The following GRSF1 variants were observed in gnomAD, a reference collection of about 807,000 sequenced individuals.
The protein encoded by GRSF1 is G-rich RNA sequence binding factor 1.
Under a neutral mutation model 51.1 loss-of-function variants are expected in GRSF1, and 50 were observed. The ratio of observed to expected loss-of-function variants is 0.98; its 90% CI spans 0.78 to 1.24. GRSF1 has a LOEUF of 1.24. GRSF1 is among the 50% of genes most tolerant of loss of function. The probability of loss-of-function intolerance (pLI) is 0.00; values close to 1 mark genes in which losing one functional copy is unlikely to be tolerated. For synonymous variants in GRSF1, 293 were observed against 253.3 expected, an observed-to-expected ratio of 1.16 and a Z score of -1.49; for missense variants, 700 against 639.7, an observed-to-expected ratio of 1.09 and a Z score of -1.02.
intron 6 of GRSF1, 150 bp downstream of exon 6, chr4:70,827,702 C>G (rs1173529579): frequency 3.3e-6 from 2 of 613,770 alleles, no homozygotes; most frequent in African/African-American, 3.7e-5. Flanking sequence ...TCACTTGAAC[C>G]CAGGAGGTAG....
At chr4:70,830,151 G>A (rs1338872508) in intron 5 of GRSF1, among the ~76,000 whole-genome samples, 1 of 152,174 alleles carries the variant, frequency 6.6e-6, no homozygotes, top group African/African-American at 2.4e-5. Flanking sequence ...TCAGTGGTCA[G>A]GTGCAGTGGC....
At chr4:70,840,153 C>T (rs1734415540), upstream of GRSF1, among the ~76,000 whole-genome samples, 1 of 67,848 alleles carries the variant, frequency 1.5e-5, no homozygotes, top group Non-Finnish European at 2.9e-5. Flanking sequence ...GCGGGGCTGC[C>T]CATGGTTTGG....
Position 70,826,209 on chromosome 4 carries a change from G to A in GRSF1, c.1172C>T (p.Ala391Val). Residue 391 changes from alanine (A) to valine (V), a missense_variant, in exon 7 of 10, where the codon GCT (alanine) becomes GTT (valine). Physicochemically the swap from Ala to Val is moderately conservative, Grantham distance 64. Coordinates refer to ENST00000254799, the MANE Select transcript of GRSF1 (RefSeq NM_002092.4). ...PKEVPEKLPE[A>V]ADFGTTSSLH... ...AGAAGACGTAGTTCCAAAATCAGCAGCCTCTGGAAGCTTTTCTGGCACCTC... is the reference window on the plus strand; with the variant it reads ...AGAAGACGTAGTTCCAAAATCAGCAACCTCTGGAAGCTTTTCTGGCACCTC... The A allele has an allele frequency of 1.9e-6, 3 of 1,610,014 alleles. No individual in the cohort carries two copies. The highest frequency in any genetic ancestry group is 2.5e-6 in the Non-Finnish European group (3 of 1,177,850).
intron 9 of GRSF1, among the ~76,000 whole-genome samples, chr4:70,821,673 C>CTT (rs377564579): frequency 4.7e-5 from 5 of 107,128 alleles, no homozygotes; most frequent in Admixed American, 9.9e-5. Context: ...TTTTTTGTTC[C>CTT]TTTTTTTTTT....
At position 70,839,816 on chromosome 4, in the gene GRSF1, C is replaced by G. The variant is rs1475857271; in HGVS notation, c.12G>C (p.Thr4=). Reference sequence around the variant, plus strand: ...GGAGCAGCGCCCCGAGTACCCAGCGCGTGCCGGCCATGGACTCCGGAGGCG... The same window carrying G: ...GGAGCAGCGCCCCGAGTACCCAGCGGGTGCCGGCCATGGACTCCGGAGGCG... MAG[T]RWVLGALLRG... is the part of the protein sequence containing the mutation. Residue 4 remains threonine (T), a synonymous_variant, in exon 1 of 10, where the codon ACG becomes ACC. Coordinates refer to ENST00000254799, the MANE Select transcript of GRSF1 (RefSeq NM_002092.4). 1.3e-6 allele frequency: 2 copies of G among 1,498,860 alleles called. No homozygotes were observed. The highest frequency in any genetic ancestry group is 1.8e-6 in the Non-Finnish European group (2 of 1,131,570). 92.8% of individuals were successfully genotyped at this position (1,498,860 alleles called of 1,614,324 possible).
chr4:70,815,940 C>G lies in GRSF1; in HGVS notation c.*4947G>C, dbSNP rs535933997. 1.3e-5 allele frequency: 2 copies of G among 152,114 alleles called. No individual in the cohort carries two copies. The highest frequency in any genetic ancestry group is 2.9e-5 in the Non-Finnish European group (2 of 68,024). 9.4% of individuals were successfully genotyped at this position (152,114 alleles called of 1,614,324 possible). On this transcript the variant is annotated 3_prime_UTR_variant, in exon 10 of 10. Transcript: ENST00000254799. ...TAAAAAGGAACAAAGCTTAAACACA[C>G]TGATGAACATACAAACATGCTGAGT...
intron 5 of GRSF1, among the ~76,000 whole-genome samples, chr4:70,828,517 A>T (rs142123269): frequency 2.0e-3 from 266 of 135,230 alleles, no homozygotes; most frequent in African/African-American, 4.5e-3. Flanking sequence ...ACTAAGTATC[A>T]ATTATGACTT....
At chr4:70,833,677 C>A (rs1161195635) in intron 2 of GRSF1, among the ~76,000 whole-genome samples, 2 of 152,096 alleles carry the variant, frequency 1.3e-5, no homozygotes, top group African/African-American at 2.4e-5. Context: ...AATTTTATTA[C>A]CATAGTTTAA....
chr4:70,841,796 G>T (rs1734465296), upstream of GRSF1, among the ~76,000 whole-genome samples: 1 of 152,144 alleles, frequency 6.6e-6, no homozygotes, highest in African/African-American at 2.4e-5. Flanking sequence ...CTATGAACCT[G>T]GAGTATCAAA....
At position 70,838,219 on chromosome 4, in the gene GRSF1, CAAAAAAA is replaced by C. The variant is rs35303311; in HGVS notation, c.357+1245_357+1251del. 3.9e-4 allele frequency among the ~76,000 whole-genome samples: 37 copies of C among 94,606 alleles called. 1 individual carries two copies. The highest frequency in any genetic ancestry group is 7.0e-3 in the Middle Eastern group (1 of 142). The allele number at this position is 94,606 out of a possible 152,430, so 62.1% of individuals were successfully genotyped here. On this transcript the variant is annotated intron_variant, in intron 1 of 9. Coordinates refer to ENST00000254799, the MANE Select transcript of GRSF1 (RefSeq NM_002092.4). Reference sequence around the variant, plus strand: ...GGGCGACAGAGCGAGACTCGGTCTCCAAAAAAAAAAAAAAAAAAAGGCTTAATGTTTA... The same window carrying C: ...GGGCGACAGAGCGAGACTCGGTCTCCAAAAAAAAAAAAGGCTTAATGTTTA...
chr4:70,838,335 AAGAG>A (rs908965879), intron 1 of GRSF1, among the ~76,000 whole-genome samples: 15 of 152,278 alleles, frequency 9.9e-5, no homozygotes, highest in South Asian at 2.1e-4. Flanking sequence ...TAGAAAAAAA[AAGAG>A]AGAAGCTAGC....
rs1733293826 is a variant in GRSF1, at chr4:70,815,984, A to G, written c.*4903T>C. The G allele has an allele frequency of 6.6e-6, 1 of 152,244 alleles. No homozygotes were observed. The highest frequency in any genetic ancestry group is 2.4e-5 in the African/African-American group (1 of 41,464). The allele number at this position is 152,244 out of a possible 1,614,324, so 9.4% of individuals were successfully genotyped here. On this transcript the variant is annotated 3_prime_UTR_variant, in exon 10 of 10. Transcript: ENST00000254799. ...GCTGAGTAAAAGGAACTTACAGAAT[A>G]CATACTGCATAAGTGAGTCCGTTAT...
upstream of GRSF1, among the ~76,000 whole-genome samples, chr4:70,840,786 G>A (rs143447742): frequency 4.5e-3 from 679 of 152,096 alleles, 22 homozygotes; most frequent in Admixed American, 0.032. Context: ...AAAAAAATTA[G>A]GTTAGGGCCA....
Position 70,833,794 on chromosome 4 carries a change from C to T in GRSF1, c.515-521G>A, listed in dbSNP as rs141950214. On this transcript the variant is annotated intron_variant, in intron 2 of 9. Transcript: ENST00000254799. ...TTAGTCTCCCAAAGTGCTGGGATTA[C>T]AGGCATCAGCCACCACACCCAGCCT... is the stretch of plus-strand genomic sequence containing the variant. Among the ~76,000 whole-genome samples the T allele has an allele frequency of 2.7e-3, 407 of 152,188 alleles. 4 individuals carry two copies. The highest frequency in any genetic ancestry group is 9.3e-3 in the African/African-American group (387 of 41,540).
Position 70,827,978 on chromosome 4 carries a change from T to C in GRSF1, c.1009A>G (p.Lys337Glu), listed in dbSNP as rs1235287714. The change falls in exon 6 of 10, where the codon AAG (lysine) becomes GAG (glutamate). Residue 337 changes from lysine (K) to glutamate (E), a missense_variant. Coordinates refer to ENST00000254799, the MANE Select transcript of GRSF1 (RefSeq NM_002092.4). ...NEVRTHVGSY[K>E]GKKIASFPTA... ...GGAAAAGATGCGATTTTCTTTCCCT[T>C]ATAAGAACCGACATGTGTTCGAACT... The C allele has an allele frequency of 6.2e-7, 1 of 1,613,330 alleles. No homozygotes were observed. Among genetic ancestry groups the C allele is most frequent in the African/African-American group, 1.3e-5 (1 of 74,942 alleles).
chr4:70,832,838 C>T (rs773261612), intron 3 of GRSF1, among the ~76,000 whole-genome samples: 2 of 152,202 alleles, frequency 1.3e-5, no homozygotes, highest in African/African-American at 2.4e-5. Context: ...GTCCCAGCTA[C>T]TTGGGAGGCT....
upstream of GRSF1, among the ~76,000 whole-genome samples, chr4:70,841,170 G>A (rs1033347385): frequency 6.6e-6 from 1 of 152,190 alleles, no homozygotes; most frequent in African/African-American, 2.4e-5. Context: ...GCGTGGGCCT[G>A]TAGTCCCAGC....
upstream of GRSF1, among the ~76,000 whole-genome samples, chr4:70,842,835 A>G (rs1165963288): frequency 1.3e-5 from 2 of 152,152 alleles, no homozygotes; most frequent in Non-Finnish European, 2.9e-5. Flanking sequence ...AAATAATAAG[A>G]GGCAGCCTGG....
intron 5 of GRSF1, among the ~76,000 whole-genome samples, chr4:70,829,646 C>G (rs1310308401): frequency 6.6e-6 from 1 of 152,068 alleles, no homozygotes; most frequent in Non-Finnish European, 1.5e-5. Flanking sequence ...GAATAAGACT[C>G]TGTCTAAAAT....
Sources: allele counts gnomAD v4.1 joint callset (sites outside exome capture counted in the v4.1 genomes callset), GRCh38; gene constraint gnomAD v4.1.1; transcripts MANE v1.5; gene names NCBI Gene and HGNC (gene_info 2026-07-23, HGNC 2026-07-21).